LRP1B: variants seen among roughly 807,000 people sequenced by gnomAD.
LRP1B encodes the protein low-density lipoprotein receptor-related protein 1B.
Under a neutral mutation model 556.6 loss-of-function variants are expected in LRP1B, and 217 were observed. That is an observed-to-expected ratio of 0.39 (90% confidence interval 0.35 to 0.44). The LOEUF is 0.44. Ranked by LOEUF, LRP1B falls within the 20% of genes least tolerant of loss-of-function variation. The probability of loss-of-function intolerance (pLI) is 1.00; values close to 1 mark genes in which losing one functional copy is unlikely to be tolerated. For synonymous variants in LRP1B, 2,047 were observed against 1,865.8 expected (o/e 1.10, Z -2.50); for missense variants, 5,053 against 5,620.8 (o/e 0.90, Z 3.23).
intron 43 of LRP1B, among the ~76,000 whole-genome samples, chr2:140,544,910 A>G (rs767028399): frequency 6.6e-6 from 1 of 151,968 alleles, no homozygotes; most frequent in Non-Finnish European, 1.5e-5. Flanking sequence ...TGTTTTCCAC[A>G]ATGGTTGAAA....
At chr2:141,309,593 A>T (rs1686732770) in intron 3 of LRP1B, among the ~76,000 whole-genome samples, 1 of 152,208 alleles carries the variant, frequency 6.6e-6, no homozygotes, top group South Asian at 2.1e-4. Context: ...AGAAGACCTT[A>T]ACTATGAAAG....
chr2:141,966,792 G>A (rs1701578297), intron 1 of LRP1B, among the ~76,000 whole-genome samples: 2 of 151,580 alleles, frequency 1.3e-5, no homozygotes, highest in African/African-American at 2.4e-5. Context: ...TGGATGTTCC[G>A]GTGGAGAAAT....
chr2:141,901,892 T>C (rs545695233), intron 1 of LRP1B, among the ~76,000 whole-genome samples: 3 of 151,828 alleles, frequency 2.0e-5, no homozygotes, highest in East Asian at 1.9e-4. Context: ...AAACTAAAAA[T>C]CTGGCCATGA....
At chr2:141,591,492 G>C (rs916727424) in intron 2 of LRP1B, among the ~76,000 whole-genome samples, 2 of 151,668 alleles carry the variant, frequency 1.3e-5, no homozygotes, top group Non-Finnish European at 2.9e-5. Context: ...ATACAGTTGT[G>C]CTTATAGCAG....
chr2:141,656,562 T>G (rs1353273856), intron 2 of LRP1B, among the ~76,000 whole-genome samples: 1 of 152,160 alleles, frequency 6.6e-6, no homozygotes, highest in Non-Finnish European at 1.5e-5. Context: ...TAAACGTTGC[T>G]AATTAAATGA....
intron 29 of LRP1B, among the ~76,000 whole-genome samples, chr2:140,848,133 G>A (rs985309581): frequency 1.3e-5 from 2 of 152,028 alleles, no homozygotes; most frequent in African/African-American, 4.8e-5. Flanking sequence ...AATTTCTTGA[G>A]GGAAGACCAC....
At chr2:141,754,895 A>T (rs1694261648) in intron 2 of LRP1B, among the ~76,000 whole-genome samples, 1 of 152,144 alleles carries the variant, frequency 6.6e-6, no homozygotes, top group Non-Finnish European at 1.5e-5. Context: ...GGCTAGTAGG[A>T]TTTCCTCCAA....
At chr2:140,815,770 T>C (rs1691096076) in intron 31 of LRP1B, among the ~76,000 whole-genome samples, 1 of 152,086 alleles carries the variant, frequency 6.6e-6, no homozygotes, top group Non-Finnish European at 1.5e-5. Context: ...ATGGGAAGTT[T>C]AAGCAAAATA....
chr2:141,463,580 A>AT (rs1178401574), intron 3 of LRP1B, among the ~76,000 whole-genome samples: 1 of 56,442 alleles, frequency 1.8e-5, no homozygotes, highest in African/African-American at 6.5e-5. Context: ...TATTATATAT[A>AT]ATTATATATA....
Position 140,358,825 on chromosome 2 carries a change from A to G in LRP1B, c.11253T>C (p.Cys3751=). ...TTTCACATTAAATGCATTTACCACCACAGTGATCTTCATCTGAATTGTCAC... is the reference window on the plus strand; with the variant it reads ...TTTCACATTAAATGCATTTACCACCGCAGTGATCTTCATCTGAATTGTCAC... ...ECGDNSDEDH[C]GGKLTYKARP... is the part of the protein sequence containing the mutation. Residue 3751 remains cysteine (C), a synonymous_variant, in exon 73 of 91, where the codon TGT becomes TGC. Coordinates refer to ENST00000389484, the MANE Select transcript of LRP1B (RefSeq NM_018557.3). 3 of 1,607,774 alleles carry G rather than the reference A, an allele frequency of 1.9e-6. No homozygotes were observed. The highest frequency in any genetic ancestry group is 1.7e-6 in the Non-Finnish European group (2 of 1,175,374).
At chr2:141,495,748 A>C (rs1683487478) in intron 2 of LRP1B, among the ~76,000 whole-genome samples, 1 of 152,032 alleles carries the variant, frequency 6.6e-6, no homozygotes, top group Admixed American at 6.6e-5. Flanking sequence ...CACGAACAAT[A>C]ATTTGGTAAA....
chr2:141,058,067 C>T (rs1328471147), intron 9 of LRP1B, among the ~76,000 whole-genome samples: 1 of 151,806 alleles, frequency 6.6e-6, no homozygotes. Context: ...TTATTCACTG[C>T]TCTATTCACA....
At chr2:140,802,335 C>G (rs1690543797) in intron 32 of LRP1B, among the ~76,000 whole-genome samples, 1 of 152,164 alleles carries the variant, frequency 6.6e-6, no homozygotes, top group Admixed American at 6.6e-5. Flanking sequence ...CCTATGTCAT[C>G]ATTGAATACC....
intron 80 of LRP1B, among the ~76,000 whole-genome samples, chr2:140,324,677 GAAT>G (rs954538265): frequency 5.3e-5 from 8 of 151,850 alleles, no homozygotes; most frequent in African/African-American, 1.4e-4. Flanking sequence ...AGATTTTATA[GAAT>G]AATTATTCTA....
chr2:140,355,527 T>C (rs2105127797), intron 75 of LRP1B, among the ~76,000 whole-genome samples: 1 of 152,088 alleles, frequency 6.6e-6, no homozygotes, highest in Non-Finnish European at 1.5e-5. Context: ...ATAATTCCAT[T>C]TTGATTAACA....
intron 41 of LRP1B, among the ~76,000 whole-genome samples, chr2:140,631,343 CAG>C (rs1357715848): frequency 6.6e-6 from 1 of 152,108 alleles, no homozygotes; most frequent in East Asian, 1.9e-4. Flanking sequence ...TACAAAATAG[CAG>C]AGATTTTGGA....
intron 41 of LRP1B, among the ~76,000 whole-genome samples, chr2:140,612,011 G>A (rs907593499): frequency 2.0e-4 from 31 of 152,178 alleles, no homozygotes; most frequent in African/African-American, 7.0e-4. Context: ...ACACTTAGTT[G>A]ATGTTTAAGA....
At chr2:141,630,299 C>A (rs2105348444) in intron 2 of LRP1B, among the ~76,000 whole-genome samples, 1 of 152,212 alleles carries the variant, frequency 6.6e-6, no homozygotes, top group African/African-American at 2.4e-5. Flanking sequence ...CTGGAAAAAA[C>A]AATACTAAGT....
At position 141,507,215 on chromosome 2, in the gene LRP1B, A is replaced by C. The variant is rs916217544; in HGVS notation, c.206-26682T>G. Among the ~76,000 whole-genome samples, 16 of 152,170 alleles carry C rather than the reference A, an allele frequency of 1.1e-4. 1 individual carries two copies. Among genetic ancestry groups the C allele is most frequent in the South Asian group, 1.0e-3 (5 of 4,836 alleles). The stretch of plus-strand genomic sequence containing the variant: ...TAAGATAGGACTCTGAAGACCTTTA[A>C]ATTTTAAACATACATTACAGAAATA... On this transcript the variant is annotated intron_variant, in intron 2 of 90. Coordinates refer to ENST00000389484, the MANE Select transcript of LRP1B (RefSeq NM_018557.3).
Sources: allele counts gnomAD v4.1 joint callset (sites outside exome capture counted in the v4.1 genomes callset), GRCh38; gene constraint gnomAD v4.1.1; transcripts MANE v1.5; gene names NCBI Gene and HGNC (gene_info 2026-07-23, HGNC 2026-07-21).